Variants in NEMP1 observed in about 807,000 individuals in gnomAD.
The protein encoded by NEMP1 is nuclear envelope integral membrane protein 1, also known as transmembrane protein 194.
NEMP1 carries 29 observed loss-of-function variants against 53.7 expected under a neutral mutation model. The ratio of observed to expected loss-of-function variants is 0.54; its 90% CI spans 0.40 to 0.74. NEMP1 has a LOEUF of 0.74. Ranked by LOEUF, NEMP1 falls within the 30% of genes least tolerant of loss-of-function variation. The pLI, the probability that NEMP1 is intolerant of heterozygous loss-of-function variation, is 0.00. For synonymous variants in NEMP1, 193 were observed against 192.9 expected (o/e 1.00, Z 0.00); for missense variants, 477 against 528.6 (o/e 0.90, Z 0.96).
At chr12:57,066,258 A>AAAAC (rs773476386) in intron 4 of NEMP1, among the ~76,000 whole-genome samples, 10 of 152,176 alleles carry the variant, frequency 6.6e-5, no homozygotes, top group South Asian at 2.1e-4. Context: ...CTGTCTCAAA[A>AAAAC]AAACAAACAA....
chr12:57,062,822 C>T (rs552362123), intron 7 of NEMP1, among the ~76,000 whole-genome samples: 2 of 151,602 alleles, frequency 1.3e-5, no homozygotes, highest in East Asian at 1.9e-4. Flanking sequence ...CCAGCCTGGG[C>T]GACAGAGCGA....
chr12:57,082,750 G>A (rs991040457), upstream of NEMP1, among the ~76,000 whole-genome samples: 1 of 151,744 alleles, frequency 6.6e-6, no homozygotes, highest in Admixed American at 6.6e-5. Flanking sequence ...AGTGGCTCAT[G>A]CCTGTAATCC....
chr12:57,072,991 A>G (rs2032422266), intron 1 of NEMP1, 79 bp from the exon 2 acceptor site: 2 of 1,338,612 alleles, frequency 1.5e-6, no homozygotes, highest in Admixed American at 5.2e-5. Context: ...AGATTAAACT[A>G]ACCATTTTCC....
chr12:57,068,158 C>T (rs925963595), intron 4 of NEMP1, among the ~76,000 whole-genome samples: 11 of 152,108 alleles, frequency 7.2e-5, no homozygotes. Flanking sequence ...CCACTCCAGC[C>T]CAACTTCAAA....
chr12:57,070,848 T>TCTC lies in NEMP1; in HGVS notation c.295_297dup (p.Glu99dup). 6.2e-7 allele frequency: 1 copy of TCTC among 1,614,042 alleles called. No homozygotes were observed. The highest frequency in any genetic ancestry group is 8.5e-7 in the Non-Finnish European group (1 of 1,180,004). ...TCTAGCTCCTTCAGTTTCTCCTCAT[T>TCTC]CTCCACCTGGGTGACTCGAACCAAT... On this transcript the variant is annotated inframe_insertion, in exon 3 of 9. Coordinates refer to ENST00000300128, the MANE Select transcript of NEMP1 (RefSeq NM_001130963.2).
At chr12:57,082,853 A>C (rs1274500074), upstream of NEMP1, among the ~76,000 whole-genome samples, 1 of 151,488 alleles carries the variant, frequency 6.6e-6, no homozygotes, top group Non-Finnish European at 1.5e-5. Context: ...CTCTACAAAG[A>C]ATACAAAAAA....
At chr12:57,061,911 A>G (rs2031827524) in intron 7 of NEMP1, among the ~76,000 whole-genome samples, 1 of 152,024 alleles carries the variant, frequency 6.6e-6, no homozygotes, top group Non-Finnish European at 1.5e-5. Context: ...AGGCAGGAGA[A>G]TCGCTTAAAC....
chr12:57,064,792 A>G (rs1423225309), intron 4 of NEMP1, 53 bp from the exon 5 acceptor site: 1 of 1,330,820 alleles, frequency 7.5e-7, no homozygotes, highest in Non-Finnish European at 1.1e-6. Flanking sequence ...CATACATAGC[A>G]CTGTTGAAAC....
At chr12:57,068,158 C>G (rs925963595) in intron 4 of NEMP1, among the ~76,000 whole-genome samples, 1 of 152,108 alleles carries the variant, frequency 6.6e-6, no homozygotes, top group African/African-American at 2.4e-5. Context: ...CCACTCCAGC[C>G]CAACTTCAAA....
chr12:57,079,055 A>T (rs1268247926), upstream of NEMP1, among the ~76,000 whole-genome samples: 2 of 152,234 alleles, frequency 1.3e-5, no homozygotes, highest in Admixed American at 6.5e-5. Context: ...GATTGATGGT[A>T]AGTTTAACCA....
At position 57,072,794 on chromosome 12, in the gene NEMP1, C is replaced by T; in HGVS notation, c.246G>A (p.Arg82=). The change falls in exon 2 of 9, where the codon CGG becomes CGA. Residue 82 remains arginine, a synonymous_variant. Coordinates refer to ENST00000300128, the MANE Select transcript of NEMP1 (RefSeq NM_001130963.2). ...LIPKWHDIWT[R]IQIRVNSSRL... The stretch of plus-strand genomic sequence containing the variant: ...GAGGATTCCAAGTTATTACCTGTAT[C>T]CGTGTCCATATATCATGCCATTTTG... 1 of 1,606,554 alleles carries T rather than the reference C, an allele frequency of 6.2e-7. No homozygotes were observed. Among genetic ancestry groups the T allele is most frequent in the South Asian group, 1.1e-5 (1 of 89,482 alleles).
chr12:57,063,738 G>C, intron 6 of NEMP1, among the ~76,000 whole-genome samples: 1 of 152,146 alleles, frequency 6.6e-6, no homozygotes, highest in East Asian at 1.9e-4. Context: ...ATTAACTGCG[G>C]AGTCTTTTAC....
At chr12:57,066,450 A>C (rs2032081522) in intron 4 of NEMP1, among the ~76,000 whole-genome samples, 2 of 152,296 alleles carry the variant, frequency 1.3e-5, no homozygotes, top group South Asian at 4.1e-4. Context: ...TCAGGACAAG[A>C]GGTCTAGCTT....
chr12:57,065,174 G>C (rs971628115), intron 4 of NEMP1, among the ~76,000 whole-genome samples: 2 of 152,142 alleles, frequency 1.3e-5, no homozygotes, highest in Non-Finnish European at 2.9e-5. Context: ...GGCTGGAGTG[G>C]CTGTGGCAAT....
chr12:57,087,448 G>T (rs1339751723), intron 1 of NEMP1, among the ~76,000 whole-genome samples: 6 of 149,066 alleles, frequency 4.0e-5, no homozygotes, highest in Admixed American at 3.3e-4. Flanking sequence ...AACCTGAGGT[G>T]GGGGGGGAGG....
chr12:57,084,501 C>A lies in NEMP1; in HGVS notation n.113+3450G>T, dbSNP rs1422816628. Reference sequence around the variant, plus strand: ...TTTCTATATTTTGAATCTGTTCTTTCCCCCCATGCCAGTGCCTTGCCATCT... The same window carrying A: ...TTTCTATATTTTGAATCTGTTCTTTACCCCCATGCCAGTGCCTTGCCATCT... On this transcript the variant is annotated intron_variant and non_coding_transcript_variant, in intron 1 of 2. Coordinates refer to the NEMP1 transcript ENST00000553654. Among the ~76,000 whole-genome samples, 3 of 152,206 alleles carry A rather than the reference C, an allele frequency of 2.0e-5. No individual in the cohort carries two copies. In the East Asian group the frequency reaches 5.8e-4, roughly 29 times the overall value.
intron 8 of NEMP1, among the ~76,000 whole-genome samples, 180 bp from the exon 9 acceptor site, chr12:57,060,239 A>C (rs2031736209): frequency 6.6e-6 from 1 of 152,208 alleles, no homozygotes; most frequent in Non-Finnish European, 1.5e-5. Context: ...TAAGGAGAAA[A>C]GGAAAGCTGG....
At chr12:57,062,695 T>C (rs2031872996) in intron 7 of NEMP1, among the ~76,000 whole-genome samples, 1 of 150,822 alleles carries the variant, frequency 6.6e-6, no homozygotes, top group African/African-American at 2.4e-5. Flanking sequence ...AATATAAAAA[T>C]TAGCTGAATG....
Position 57,060,891 on chromosome 12 carries a change from T to C in NEMP1, c.1035A>G (p.Glu345=). The C allele has an allele frequency of 6.2e-7, 1 of 1,614,204 alleles. No homozygotes were observed. The highest frequency in any genetic ancestry group is 8.5e-7 in the Non-Finnish European group (1 of 1,180,018). The stretch of plus-strand genomic sequence containing the variant: ...CTACCTCTCCTTGTATCCGATATTC[T>C]TCTTCTGTCAGGAGACGAGGGGGAA... ...KPVPPRLLTE[E]EYRIQGEVET... Residue 345 remains glutamate (E), a synonymous_variant, in exon 8 of 9, where the codon GAA becomes GAG. Transcript: ENST00000300128.
Sources: allele counts gnomAD v4.1 joint callset (sites outside exome capture counted in the v4.1 genomes callset), GRCh38; gene constraint gnomAD v4.1.1; transcripts MANE v1.5; gene names NCBI Gene and HGNC (gene_info 2026-07-23, HGNC 2026-07-21).